BLK: variants seen among roughly 807,000 people sequenced by gnomAD.
BLK encodes BLK proto-oncogene, Src family tyrosine kinase.
A neutral mutation model predicts 61.8 loss-of-function variants in BLK; 64 were observed. The ratio of observed to expected loss-of-function variants is 1.03; its 90% CI spans 0.85 to 1.27. The LOEUF (loss-of-function observed/expected upper bound fraction) is 1.27. BLK is among the 50% of genes most tolerant of loss of function. The probability of loss-of-function intolerance (pLI) is 0.00; values close to 1 mark genes in which losing one functional copy is unlikely to be tolerated. For missense variants in BLK, 853 were observed against 660.5 expected (o/e 1.29, Z -3.19); for synonymous variants, 351 against 272.0 (o/e 1.29, Z -2.86).
intron 1 of BLK, among the ~76,000 whole-genome samples, chr8:11,495,861 G>C (rs973780236): frequency 6.6e-6 from 1 of 152,320 alleles, no homozygotes; most frequent in South Asian, 2.1e-4. Context: ...GTTACGTAAG[G>C]TGTTCACATT....
At chr8:11,516,279 A>T (rs1464221242) in intron 1 of BLK, among the ~76,000 whole-genome samples, 1 of 152,220 alleles carries the variant, frequency 6.6e-6, no homozygotes, top group Admixed American at 6.5e-5. Context: ...AGCCACAGTA[A>T]CAAAGAACAG....
intron 1 of BLK, among the ~76,000 whole-genome samples, chr8:11,538,643 G>A (rs1409547553): frequency 6.6e-6 from 1 of 152,194 alleles, no homozygotes; most frequent in African/African-American, 2.4e-5. Context: ...CAATATGGCT[G>A]GCCAGACTAA....
chr8:11,498,200 T>G (rs1798426329), intron 1 of BLK, among the ~76,000 whole-genome samples: 1 of 152,102 alleles, frequency 6.6e-6, no homozygotes. Flanking sequence ...GGATGCAAAA[T>G]GTAAGGAGGC....
intron 1 of BLK, among the ~76,000 whole-genome samples, 188 bp from the exon 2 acceptor site, chr8:11,543,036 A>C (rs1800456463): frequency 6.6e-6 from 1 of 152,148 alleles, no homozygotes; most frequent in African/African-American, 2.4e-5. Context: ...GGGCCCCCGA[A>C]AAAAGATGGA....
intron 10 of BLK, among the ~76,000 whole-genome samples, chr8:11,559,583 CTCT>C (rs1801392702): frequency 6.6e-6 from 1 of 152,122 alleles, no homozygotes; most frequent in South Asian, 2.1e-4. Flanking sequence ...CCCTTCTGGG[CTCT>C]TCTTTTCTTA....
intron 1 of BLK, among the ~76,000 whole-genome samples, chr8:11,538,449 C>A (rs1800228646): frequency 6.6e-6 from 1 of 152,024 alleles, no homozygotes; most frequent in Non-Finnish European, 1.5e-5. Flanking sequence ...CTCATGAGAC[C>A]CATGGAAAAT....
At chr8:11,504,372 A>AAG in intron 1 of BLK, among the ~76,000 whole-genome samples, 3 of 15,894 alleles carry the variant, frequency 1.9e-4, no homozygotes, top group African/African-American at 2.8e-4. Context: ...AGGAAGAAAG[A>AAG]AAAGAAAAGA....
At chr8:11,529,268 G>A (rs966065090) in intron 1 of BLK, among the ~76,000 whole-genome samples, 17 of 152,160 alleles carry the variant, frequency 1.1e-4, no homozygotes, top group African/African-American at 2.4e-4. Context: ...GTGGAAGACC[G>A]GAGTCTTATT....
intron 4 of BLK, among the ~76,000 whole-genome samples, chr8:11,548,812 G>C (rs375901879): frequency 1.3e-4 from 20 of 152,346 alleles, no homozygotes; most frequent in African/African-American, 4.8e-4. Flanking sequence ...GGCTGGTCAG[G>C]CTGTGTAGAT....
intron 1 of BLK, among the ~76,000 whole-genome samples, chr8:11,542,020 T>C (rs894918297): frequency 6.6e-6 from 1 of 152,252 alleles, no homozygotes; most frequent in Non-Finnish European, 1.5e-5. Flanking sequence ...TTTTCGCTTC[T>C]GTGGCTTGCT....
intron 2 of BLK, among the ~76,000 whole-genome samples, chr8:11,544,518 G>T (rs371922888): frequency 6.6e-6 from 1 of 152,124 alleles, no homozygotes; most frequent in Non-Finnish European, 1.5e-5. Flanking sequence ...ACAACCACAA[G>T]ATGTTTATTG....
intron 9 of BLK, among the ~76,000 whole-genome samples, chr8:11,557,311 C>T (rs1247147657): frequency 6.6e-6 from 1 of 152,226 alleles, no homozygotes; most frequent in Admixed American, 6.5e-5. Context: ...TCTCATGCCA[C>T]TTTCTCACCC....
rs377227999 is a variant in BLK at position 11,554,806 on chromosome 8, T to G, written c.536T>G (p.Ile179Ser). Reference protein sequence around the residue: ...TQGELIKHYKIRCLDEGGYYI... With the variant: ...TQGELIKHYKSRCLDEGGYYI... ...GGGGAGCTGATCAAGCACTATAAGA[T>G]CCGCTGCCTGGATGAAGGGGGCTAC... Residue 179 changes from isoleucine (I) to serine (S), a missense_variant, in exon 7 of 13, where the codon ATC (isoleucine) becomes AGC (serine). Transcript: ENST00000259089. 1.2e-6 allele frequency: 2 copies of G among 1,613,886 alleles called. No individual in the cohort carries two copies. Among genetic ancestry groups the G allele is most frequent in the Non-Finnish European group, 1.7e-6 (2 of 1,180,000 alleles).
intron 12 of BLK, 138 bp from the exon 13 acceptor site, chr8:11,563,765 G>A (rs970766048): frequency 8.4e-5 from 67 of 795,802 alleles, no homozygotes; most frequent in Non-Finnish European, 1.3e-4. Context: ...GGCAACGCAC[G>A]AGGCTGGAGA....
At chr8:11,561,045 T>G (rs1248186502) in intron 10 of BLK, 1 of 655,426 alleles carries the variant, frequency 1.5e-6, no homozygotes, top group Non-Finnish European at 2.8e-6. Flanking sequence ...TGGACACAGC[T>G]GTGTGGAGCG....
At chr8:11,508,861 G>C (rs928717891) in intron 1 of BLK, among the ~76,000 whole-genome samples, 2 of 152,198 alleles carry the variant, frequency 1.3e-5, no homozygotes, top group African/African-American at 4.8e-5. Flanking sequence ...GAGGAGCCGT[G>C]GTGGAGGGGT....
At chr8:11,529,132 C>T (rs1344022076) in intron 1 of BLK, among the ~76,000 whole-genome samples, 1 of 152,008 alleles carries the variant, frequency 6.6e-6, no homozygotes, top group Non-Finnish European at 1.5e-5. Flanking sequence ...AATAATTAGC[C>T]CTAATATAAG....
chr8:11,559,552 C>T (rs1392184646), intron 10 of BLK, among the ~76,000 whole-genome samples: 6 of 152,114 alleles, frequency 3.9e-5, no homozygotes, highest in African/African-American at 9.7e-5. Context: ...CTTACACACA[C>T]ATGAGCAGAC....
intron 1 of BLK, among the ~76,000 whole-genome samples, chr8:11,511,802 C>A (rs1432046972): frequency 1.3e-5 from 2 of 152,164 alleles, no homozygotes; most frequent in Admixed American, 6.5e-5. Flanking sequence ...GCCCTCTTGA[C>A]CCCAAAGTAT....
Sources: gnomAD v4.1 joint callset for allele counts (sites outside exome capture counted in the v4.1 genomes callset) on GRCh38, gnomAD v4.1.1 for gene constraint, MANE v1.5 for transcripts, NCBI Gene and HGNC (gene_info 2026-07-23, HGNC 2026-07-21) for gene names.